Variants in MAGT1 observed in about 807,000 individuals in gnomAD.
MAGT1 encodes magnesium transporter 1, also known as dolichyl-diphosphooligosaccharide--protein glycosyltransferase subunit MAGT1.
A neutral mutation model predicts 28.4 loss-of-function variants in MAGT1; 4 were observed. The observed-to-expected ratio is 0.14, with a 90% CI of 0.07 to 0.32. The LOEUF (loss-of-function observed/expected upper bound fraction) is 0.32. Ranked by LOEUF, MAGT1 falls within the 10% of genes least tolerant of loss-of-function variation. MAGT1 has a pLI of 1.00. For synonymous variants in MAGT1, 89 were observed against 89.7 expected, an observed-to-expected ratio of 0.99 and a Z score of 0.04; for missense variants, 193 against 264.5, an observed-to-expected ratio of 0.73 and a Z score of 1.88.
intron 1 of MAGT1, among the ~76,000 whole-genome samples, chrX:77,882,794 C>T (rs1487801040): frequency 9.3e-6 from 1 of 107,210 alleles, no homozygotes; most frequent in Admixed American, 1.1e-4. Context: ...TAGTGGGACC[C>T]AGTTACTACA....
At chrX:77,856,008 T>C (rs1557215940) in intron 5 of MAGT1, among the ~76,000 whole-genome samples, 2 of 110,880 alleles carry the variant, frequency 1.8e-5, no homozygotes, top group African/African-American at 3.3e-5. Context: ...GACCTCGTCA[T>C]CTGCCCACCT....
intron 1 of MAGT1, among the ~76,000 whole-genome samples, chrX:77,892,135 T>C (rs2077084434): frequency 9.0e-6 from 1 of 110,892 alleles, no homozygotes; most frequent in South Asian, 3.8e-4. Context: ...CCTCAAGTGA[T>C]CCACCCGCCT....
intron 8 of MAGT1, among the ~76,000 whole-genome samples, chrX:77,838,575 T>C (rs1391026187): frequency 9.2e-6 from 1 of 109,161 alleles, no homozygotes; most frequent in Non-Finnish European, 1.9e-5. Flanking sequence ...CTGGCCAACA[T>C]GGTGAAATCC....
At chrX:77,892,825 C>T (rs1557219602) in intron 1 of MAGT1, among the ~76,000 whole-genome samples, 1 of 110,679 alleles carries the variant, frequency 9.0e-6, no homozygotes, top group Admixed American at 9.7e-5. Flanking sequence ...TATATATATA[C>T]ATTTATAAAA....
At chrX:77,894,006 C>A (rs1249473036) in intron 1 of MAGT1, among the ~76,000 whole-genome samples, 1 of 112,144 alleles carries the variant, frequency 8.9e-6, no homozygotes, top group Non-Finnish European at 1.9e-5. Flanking sequence ...ATCCCAACTG[C>A]CTAGAGATAG....
At chrX:77,883,065 AAT>A (rs782328013) in intron 1 of MAGT1, among the ~76,000 whole-genome samples, 1 of 99,189 alleles carries the variant, frequency 1.0e-5, no homozygotes. Flanking sequence ...TTAATATAAT[AAT>A]ATAATATAAT....
In MAGT1 at chrX:77,860,565, T is replaced by C. The variant is rs190555435; in HGVS notation, c.391-3068A>G. On this transcript the variant is annotated intron_variant, in intron 3 of 9. Transcript: ENST00000618282. ...GGGAGGCCAAGACAGGTGTATCACT[T>C]GAGGCCAGGAGTTTGAGACCACTCT... is the stretch of plus-strand genomic sequence containing the variant. Among the ~76,000 whole-genome samples, 7 of 110,287 alleles carry C rather than the reference T, an allele frequency of 6.3e-5. No homozygotes were observed. The Admixed American group carries it at 6.7e-4, about 11-fold the overall frequency.
intron 2 of MAGT1, among the ~76,000 whole-genome samples, chrX:77,873,790 A>T (rs1265163574): frequency 9.0e-6 from 1 of 111,505 alleles, no homozygotes; most frequent in East Asian, 2.8e-4. Context: ...AAATGTTTTT[A>T]GCAATTTCAA....
intron 3 of MAGT1, among the ~76,000 whole-genome samples, chrX:77,861,778 G>A (rs993310680): frequency 8.9e-6 from 1 of 112,075 alleles, no homozygotes; most frequent in Admixed American, 9.6e-5. Flanking sequence ...AGGACATGAT[G>A]CTAAGTGAAA....
chrX:77,854,064 C>G (rs1557215748), intron 6 of MAGT1, 100 bp from the exon 7 acceptor site: 2 of 634,638 alleles, frequency 3.2e-6, no homozygotes, highest in African/African-American at 2.2e-5. Flanking sequence ...ATTATTAATT[C>G]ACCTGATAAA....
chrX:77,837,281 A>G (rs2076921608), intron 8 of MAGT1: 1 of 111,574 alleles, frequency 9.0e-6, no homozygotes, highest in African/African-American at 3.3e-5. Context: ...TGGATTAAAA[A>G]CTATAAAATG....
At chrX:77,837,865 C>A (rs2149011267) in intron 8 of MAGT1, among the ~76,000 whole-genome samples, 1 of 111,143 alleles carries the variant, frequency 9.0e-6, no homozygotes, top group African/African-American at 3.3e-5. Context: ...GCCTCAAACT[C>A]CCAAGTAGCT....
chrX:77,860,409 C>T (rs1163365418), intron 3 of MAGT1, among the ~76,000 whole-genome samples: 5 of 111,298 alleles, frequency 4.5e-5, no homozygotes, highest in African/African-American at 9.8e-5. Flanking sequence ...TGTAGCCCAA[C>T]GATACAATCA....
At chrX:77,838,578 T>G (rs1301946094) in intron 8 of MAGT1, among the ~76,000 whole-genome samples, 1 of 109,220 alleles carries the variant, frequency 9.2e-6, no homozygotes, top group Non-Finnish European at 1.9e-5. Flanking sequence ...GCCAACATGG[T>G]GAAATCCCGT....
rs1260336553 is a variant in MAGT1, at chrX:77,873,895, C to A, written c.272+1533G>T. ...ACTAAAACTTTGTACACTTTCACCACATCCTCTCCTAAGACTCTGAAAACC... is the reference window on the plus strand; with the variant it reads ...ACTAAAACTTTGTACACTTTCACCAAATCCTCTCCTAAGACTCTGAAAACC... On this transcript the variant is annotated intron_variant, in intron 2 of 9. Coordinates refer to ENST00000618282, the MANE Select transcript of MAGT1 (RefSeq NM_001367916.1). 1.7e-4 allele frequency among the ~76,000 whole-genome samples: 19 copies of A among 111,304 alleles called. No individual in the cohort carries two copies. The Admixed American group carries it at 1.8e-3, about 11-fold the overall frequency.
intron 1 of MAGT1, among the ~76,000 whole-genome samples, chrX:77,889,528 C>T (rs964975461): frequency 9.3e-5 from 10 of 107,451 alleles, no homozygotes; most frequent in East Asian, 5.9e-4. Flanking sequence ...CCCGCCACCA[C>T]GCCCGGCTAA....
rs1448114129 is a variant in MAGT1, at chrX:77,827,342, C to T, written c.*1878G>A. 2.7e-5 allele frequency: 3 copies of T among 111,528 alleles called. No individual in the cohort carries two copies. Among genetic ancestry groups the T allele is most frequent in the Non-Finnish European group, 5.6e-5 (3 of 53,112 alleles). 9.2% of individuals were successfully genotyped at this position (111,528 alleles called of 1,213,427 possible). A position where few individuals can be genotyped will look rare whatever the true frequency, so the allele number is the denominator to read the frequency against. ...AATAAAGACTAAAATAACAGCAAAACATAGAACAGCTTTCGAGAAACGCTT... is the reference window on the plus strand; with the variant it reads ...AATAAAGACTAAAATAACAGCAAAATATAGAACAGCTTTCGAGAAACGCTT... On this transcript the variant is annotated 3_prime_UTR_variant, in exon 10 of 10. Transcript: ENST00000618282.
intron 8 of MAGT1, among the ~76,000 whole-genome samples, chrX:77,831,367 T>C (rs1270290041): frequency 9.0e-6 from 1 of 111,164 alleles, no homozygotes; most frequent in Non-Finnish European, 1.9e-5. Context: ...ACATTATTGA[T>C]AAATCTCAAC....
At chrX:77,875,257 G>A (rs917542713) in intron 2 of MAGT1, among the ~76,000 whole-genome samples, 171 bp downstream of exon 2, 9 of 111,156 alleles carry the variant, frequency 8.1e-5, no homozygotes, top group Non-Finnish European at 1.1e-4. Context: ...CCACTGATAC[G>A]GATAATCAAG....
Sources: gnomAD v4.1 joint callset for allele counts (sites outside exome capture counted in the v4.1 genomes callset) on GRCh38, gnomAD v4.1.1 for gene constraint, MANE v1.5 for transcripts, NCBI Gene and HGNC (gene_info 2026-07-23, HGNC 2026-07-21) for gene names.